RIOK1: variants seen among roughly 807,000 people sequenced by gnomAD.
RIOK1 encodes serine/threonine-protein kinase RIO1.
Under a neutral mutation model 73.5 loss-of-function variants are expected in RIOK1, and 66 were observed. The observed-to-expected ratio is 0.90, with a 90% confidence interval of 0.74 to 1.10. RIOK1 has a LOEUF of 1.10. RIOK1 is among the 50% of genes least tolerant of loss of function. RIOK1 has a pLI of 0.00. For synonymous variants in RIOK1, 224 were observed against 226.8 expected, an observed-to-expected ratio of 0.99 and a Z score of 0.11; for missense variants, 658 against 699.8, an observed-to-expected ratio of 0.94 and a Z score of 0.67.
In RIOK1 at chr6:7,414,354, C is replaced by G; in HGVS notation, c.1560C>G (p.Pro520=). 6.2e-7 allele frequency: 1 copy of G among 1,612,418 alleles called. No individual in the cohort carries two copies. The highest frequency in any genetic ancestry group is 8.5e-7 in the Non-Finnish European group (1 of 1,179,538). The change falls in exon 16 of 17, where the codon CCC becomes CCG. Residue 520 remains proline, a synonymous_variant. Coordinates refer to ENST00000379834, the MANE Select transcript of RIOK1 (RefSeq NM_031480.3). Reference sequence around the variant, plus strand: ...AAGAGCAGGGAGACCATGCCCGCCCCAAGAAACACACCACGGACCCTGACA... The same window carrying G: ...AAGAGCAGGGAGACCATGCCCGCCCGAAGAAACACACCACGGACCCTGACA... ...DSEEQGDHAR[P]KKHTTDPDID...
chr6:7,397,994 T>C (rs1485710033), intron 4 of RIOK1, among the ~76,000 whole-genome samples: 2 of 152,068 alleles, frequency 1.3e-5, no homozygotes, highest in Admixed American at 6.6e-5. Context: ...ACAAAAAAAT[T>C]AGCCGGGCTT....
intron 12 of RIOK1, among the ~76,000 whole-genome samples, chr6:7,407,774 A>C (rs957267342): frequency 6.6e-5 from 10 of 151,978 alleles, no homozygotes. Flanking sequence ...GGTTGCAGGC[A>C]TGAGCCACAG....
chr6:7,399,445 A>T (rs962517683), intron 5 of RIOK1, among the ~76,000 whole-genome samples: 1 of 152,198 alleles, frequency 6.6e-6, no homozygotes, highest in Admixed American at 6.5e-5. Context: ...AATTGAAAAC[A>T]AAGTATGGTT....
intron 3 of RIOK1, 104 bp from the exon 4 acceptor site, chr6:7,396,599 A>AACT (rs1761480733): frequency 3.3e-6 from 2 of 608,598 alleles, no homozygotes; most frequent in Non-Finnish European, 5.9e-6. Context: ...AACATTTAGA[A>AACT]AGTGTAGAAG....
chr6:7,410,436 T>A lies in RIOK1; in HGVS notation c.1254T>A (p.Asp418Glu). ...QRTKEERSSQ[D>E]HVDEEVFKRA... is the part of the protein sequence containing the mutation. The stretch of plus-strand genomic sequence containing the variant: ...CCAAGGAAGAACGGTCTAGCCAAGA[T>A]CATGTGGATGAAGAGGTAGGATTTA... Residue 418 changes from aspartate to glutamate, a missense_variant, in exon 13 of 17, where the codon GAT becomes GAA. Asp to Glu is a conservative substitution (Grantham distance 45). Transcript: ENST00000379834. The A allele has an allele frequency of 6.2e-7, 1 of 1,611,082 alleles. No individual in the cohort carries two copies.
Position 7,409,573 on chromosome 6 carries a change from G to A in RIOK1, c.1204-813G>A, listed in dbSNP as rs557271867. On this transcript the variant is annotated intron_variant, in intron 12 of 16. Coordinates refer to ENST00000379834, the MANE Select transcript of RIOK1 (RefSeq NM_031480.3). ...CAAAGTGCTGGGATTACAGGCGTGAGCCTCAGCCTCCCAAAGTGCTGGGAT... is the reference window on the plus strand; with the variant it reads ...CAAAGTGCTGGGATTACAGGCGTGAACCTCAGCCTCCCAAAGTGCTGGGAT... Among the ~76,000 whole-genome samples the A allele has an allele frequency of 1.3e-3, 204 of 152,144 alleles. 1 individual carries two copies. The highest frequency in any genetic ancestry group is 2.4e-3 in the Non-Finnish European group (166 of 67,988).
chr6:7,404,924 C>T lies in RIOK1; in HGVS notation c.999C>T (p.His333=), dbSNP rs149776174. 17 of 1,612,984 alleles carry T rather than the reference C, an allele frequency of 1.1e-5. No individual in the cohort carries two copies. The highest frequency in any genetic ancestry group is 6.7e-5 in the African/African-American group (5 of 74,924). The change falls in exon 11 of 17, where the codon CAC becomes CAT. Residue 333 remains histidine, a synonymous_variant. Coordinates refer to ENST00000379834, the MANE Select transcript of RIOK1 (RefSeq NM_031480.3). ...ADLSEFNMLY[H]GGGVYIIDVS... is the part of the protein sequence containing the mutation. ...CTGTGTCTCTGGCCCATAGGTACCACGGTGGAGGCGTGTATATCATTGACG... is the reference window on the plus strand; with the variant it reads ...CTGTGTCTCTGGCCCATAGGTACCATGGTGGAGGCGTGTATATCATTGACG...
chr6:7,394,786 A>G (rs1761430714), intron 2 of RIOK1, among the ~76,000 whole-genome samples: 1 of 152,192 alleles, frequency 6.6e-6, no homozygotes, highest in Non-Finnish European at 1.5e-5. Context: ...ACTACACTTA[A>G]TTTTAATCTG....
chr6:7,394,677 T>A (rs532375792), intron 2 of RIOK1, among the ~76,000 whole-genome samples: 1 of 152,328 alleles, frequency 6.6e-6, no homozygotes, highest in East Asian at 1.9e-4. Flanking sequence ...AAAATGAAAT[T>A]CTGAACCAGC....
At chr6:7,395,644 T>TCAA (rs1761455563) in intron 3 of RIOK1, among the ~76,000 whole-genome samples, 1 of 152,100 alleles carries the variant, frequency 6.6e-6, no homozygotes, top group Non-Finnish European at 1.5e-5. Flanking sequence ...CTATTTTGGT[T>TCAA]GTTTTCCCAC....
chr6:7,402,675 G>T lies in RIOK1; in HGVS notation c.646G>T (p.Val216Leu). The T allele has an allele frequency of 1.9e-6, 3 of 1,612,404 alleles. No homozygotes were observed. The highest frequency in any genetic ancestry group is 2.5e-6 in the Non-Finnish European group (3 of 1,178,846). Residue 216 changes from valine (V) to leucine (L), a missense_variant, in exon 7 of 17, where the codon GTG (valine) becomes TTG (leucine). Physicochemically the swap from Val to Leu is conservative, Grantham distance 32. Coordinates refer to ENST00000379834, the MANE Select transcript of RIOK1 (RefSeq NM_031480.3). Reference sequence around the variant, plus strand: ...CAAAATTTATAAAACTTCTATTTTGGTGTTCAAAGATCGGGATAAATATGT... The same window carrying T: ...CAAAATTTATAAAACTTCTATTTTGTTGTTCAAAGATCGGGATAAATATGT... Reference protein sequence around the residue: ...AIKIYKTSILVFKDRDKYVSG... With the variant: ...AIKIYKTSILLFKDRDKYVSG...
chr6:7,405,550 T>C (rs995957120), intron 12 of RIOK1, among the ~76,000 whole-genome samples, 195 bp downstream of exon 12: 45 of 152,220 alleles, frequency 3.0e-4, no homozygotes, highest in Non-Finnish European at 5.4e-4. Context: ...CACATTTCAT[T>C]TGAGCATAAT....
chr6:7,408,209 G>A (rs922791623), intron 12 of RIOK1, among the ~76,000 whole-genome samples: 1 of 152,090 alleles, frequency 6.6e-6, no homozygotes, highest in African/African-American at 2.4e-5. Context: ...GCTAATTTTT[G>A]TATTTTTGTA....
At position 7,414,382 on chromosome 6, in the gene RIOK1, G is replaced by T. The variant is rs753346174; in HGVS notation, c.1588G>T (p.Asp530Tyr). 11 of 1,598,980 alleles carry T rather than the reference G, an allele frequency of 6.9e-6. No homozygotes were observed. In the Admixed American group the frequency reaches 2.0e-4, roughly 29 times the overall value. ...PKKHTTDPDI[D>Y]KKERKKMVKE... ...GAAACACACCACGGACCCTGACATT[G>T]ATAAAAAAGTAAGCAATGAAATACC... Residue 530 changes from aspartate (D) to tyrosine (Y), a missense_variant, in exon 16 of 17, where the codon GAT (aspartate) becomes TAT (tyrosine). Asp to Tyr is a radical substitution (Grantham distance 160). Transcript: ENST00000379834.
intron 3 of RIOK1, 37 bp downstream of exon 3, chr6:7,395,180 A>G (rs1305664488): frequency 2.5e-6 from 4 of 1,582,324 alleles, no homozygotes; most frequent in South Asian, 1.2e-5. Flanking sequence ...CTAAGAGGAC[A>G]TTTTTCAAAA....
intron 16 of RIOK1, among the ~76,000 whole-genome samples, chr6:7,416,631 G>A (rs1437129844): frequency 7.1e-6 from 1 of 141,272 alleles, no homozygotes; most frequent in African/African-American, 2.5e-5. Flanking sequence ...CTGGGCGACA[G>A]AGACTCCGTC....
intron 14 of RIOK1, 96 bp from the exon 15 acceptor site, chr6:7,412,790 CATT>C: frequency 2.1e-6 from 1 of 482,912 alleles, no homozygotes; most frequent in Non-Finnish European, 3.6e-6. Flanking sequence ...TCATAGGAGA[CATT>C]ATTTAACCCA....
At chr6:7,404,595 T>A (rs1296281739) in intron 10 of RIOK1, 40 bp downstream of exon 10, 1 of 1,600,048 alleles carries the variant, frequency 6.2e-7, no homozygotes, top group South Asian at 1.1e-5. Context: ...CTGTCAGTTG[T>A]TTCGTGTCCT....
rs560851778 is a variant in RIOK1, at chr6:7,401,970, C to T, written c.574-633C>T. On this transcript the variant is annotated intron_variant, in intron 6 of 16. Coordinates refer to ENST00000379834, the MANE Select transcript of RIOK1 (RefSeq NM_031480.3). ...CTGCTATTACAGGCATGAGCCTCCA[C>T]GCCTTGCCTAAATCACTGGATTTAA... Among the ~76,000 whole-genome samples the T allele has an allele frequency of 3.1e-4, 47 of 152,216 alleles. 2 individuals carry two copies. Among genetic ancestry groups the T allele is most frequent in the African/African-American group, 1.0e-3 (43 of 41,540 alleles).
Sources: allele counts gnomAD v4.1 joint callset (sites outside exome capture counted in the v4.1 genomes callset), GRCh38; gene constraint gnomAD v4.1.1; transcripts MANE v1.5; gene names NCBI Gene and HGNC (gene_info 2026-07-23, HGNC 2026-07-21).